The following IRAK4 variants were observed in gnomAD, a reference collection of about 807,000 sequenced individuals.
IRAK4 encodes the protein interleukin 1 receptor associated kinase 4.
Under a neutral mutation model 51.8 loss-of-function variants are expected in IRAK4, and 44 were observed. That is an observed-to-expected ratio of 0.85 (90% CI 0.67 to 1.09). IRAK4 has a LOEUF of 1.09. Ranked by LOEUF, IRAK4 falls within the 50% of genes least tolerant of loss-of-function variation. The pLI is 0.00. For missense variants in IRAK4, 487 were observed against 538.0 expected (o/e 0.91, Z 0.94); for synonymous variants, 149 against 174.1 (o/e 0.86, Z 1.13).
intron 6 of IRAK4, among the ~76,000 whole-genome samples, chr12:43,774,562 A>G (rs4251481): frequency 0.078 from 11,840 of 152,264 alleles, 1,073 homozygotes; most frequent in African/African-American, 0.22. Flanking sequence ...ATTTTAAGTC[A>G]CAACAAAGTT....
chr12:43,759,822 C>T (rs1243082889), intron 1 of IRAK4, among the ~76,000 whole-genome samples: 1 of 146,318 alleles, frequency 6.8e-6, no homozygotes, highest in Non-Finnish European at 1.5e-5. Flanking sequence ...GAGCCGAGAT[C>T]GTGCCACTAC....
intron 10 of IRAK4, 56 bp from the exon 11 acceptor site, chr12:43,786,339 ATATT>A: frequency 2.9e-6 from 3 of 1,033,484 alleles, no homozygotes; most frequent in Non-Finnish European, 4.1e-6. Context: ...ATTAAAATAT[ATATT>A]CTATTTTCTT....
At position 43,773,007 on chromosome 12, in the gene IRAK4, G is replaced by A. The variant is rs1940928979; in HGVS notation, c.586G>A (p.Gly196Arg). 4 of 1,612,808 alleles carry A rather than the reference G, an allele frequency of 2.5e-6. No homozygotes were observed. The highest frequency in any genetic ancestry group is 8.5e-7 in the Non-Finnish European group (1 of 1,179,204). Residue 196 changes from glycine (G) to arginine (R), a missense_variant, in exon 5 of 12, where the codon GGA becomes AGA. Gly to Arg is a moderately radical substitution (Grantham distance 125, BLOSUM62 -2). Transcript: ENST00000613694. Reference sequence around the variant, plus strand: ...TGGTGGTAATAAAATGGGAGAGGGAGGATTTGGAGTTGTATATAAAGGCTA... The same window carrying A: ...TGGTGGTAATAAAATGGGAGAGGGAAGATTTGGAGTTGTATATAAAGGCTA... ...SVGGNKMGEG[G>R]FGVVYKGYVN...
At chr12:43,778,367 T>G in intron 8 of IRAK4, 65 bp downstream of exon 8, 1 of 882,874 alleles carries the variant, frequency 1.1e-6, no homozygotes, top group South Asian at 1.3e-5. Flanking sequence ...TGTCACTCTA[T>G]TCACGATTCA....
intron 1 of IRAK4, among the ~76,000 whole-genome samples, chr12:43,762,039 GT>G (rs3838815): frequency 0.23 from 35,057 of 151,314 alleles, 6,461 homozygotes; most frequent in African/African-American, 0.52. Flanking sequence ...CACTTTTTAA[GT>G]TTTTTTTTGC....
chr12:43,764,972 G>T (rs1312705649), intron 1 of IRAK4, among the ~76,000 whole-genome samples: 3 of 151,762 alleles, frequency 2.0e-5, no homozygotes, highest in African/African-American at 7.2e-5. Context: ...GTCTGCTTTT[G>T]CTTTAATTGG....
At chr12:43,782,269 A>G (rs1941840413) in intron 8 of IRAK4, 38 bp from the exon 9 acceptor site, 6 of 1,517,026 alleles carry the variant, frequency 4.0e-6, no homozygotes, top group Admixed American at 1.7e-5. Context: ...TTGGGGTGGG[A>G]AAAACATTTT....
chr12:43,785,420 G>A (rs1244427140), intron 10 of IRAK4, among the ~76,000 whole-genome samples: 1 of 151,672 alleles, frequency 6.6e-6, no homozygotes. Flanking sequence ...ACAGGGAGGA[G>A]GAGTCAGGGT....
intron 1 of IRAK4, among the ~76,000 whole-genome samples, chr12:43,760,521 T>G (rs1292085558): frequency 6.6e-6 from 1 of 152,212 alleles, no homozygotes; most frequent in South Asian, 2.1e-4. Flanking sequence ...ACCTGGCCCC[T>G]TTACCTTTCT....
intron 2 of IRAK4, chr12:43,770,949 C>A: frequency 1.6e-6 from 1 of 615,990 alleles, no homozygotes; most frequent in South Asian, 1.6e-5. Context: ...AAGTTAGGCC[C>A]TATTTTTCTT....
intron 8 of IRAK4, among the ~76,000 whole-genome samples, chr12:43,781,703 C>T (rs148860224): frequency 2.0e-5 from 3 of 152,218 alleles, no homozygotes; most frequent in East Asian, 1.9e-4. Context: ...TTTAAGACTC[C>T]GCCATGCCCA....
chr12:43,782,460 A>AC lies in IRAK4; in HGVS notation c.1098dup (p.Lys367GlnfsTer3). 4.3e-6 allele frequency: 7 copies of AC among 1,613,714 alleles called. No individual in the cohort carries two copies. Among genetic ancestry groups the AC allele is most frequent in the Non-Finnish European group, 5.9e-6 (7 of 1,179,670 alleles). On this transcript the variant is annotated frameshift_variant, in exon 9 of 12. Transcript: ENST00000613694. LOFTEE classifies it high-confidence loss of function. ...CAGAAGCTTTGCGTGGAGAAATAAC[A>AC]CCCAAATCTGATATTTACAGCTTTG...
chr12:43,779,476 T>C (rs2138018405), intron 8 of IRAK4, among the ~76,000 whole-genome samples: 1 of 152,338 alleles, frequency 6.6e-6, no homozygotes, highest in South Asian at 2.1e-4. Context: ...AAGATGATTT[T>C]AACTCTAGTG....
chr12:43,761,373 T>A (rs1223843554), intron 1 of IRAK4, among the ~76,000 whole-genome samples: 1 of 152,236 alleles, frequency 6.6e-6, no homozygotes, highest in Non-Finnish European at 1.5e-5. Context: ...TCCTCACTAC[T>A]GTTCTGGAAA....
chr12:43,777,851 C>A, intron 7 of IRAK4, 107 bp downstream of exon 7: 3 of 957,202 alleles, frequency 3.1e-6, no homozygotes, highest in Non-Finnish European at 5.0e-6. Context: ...TCATATTTTT[C>A]CTGCTCTATG....
At chr12:43,764,024 AG>A (rs1476240315) in intron 1 of IRAK4, among the ~76,000 whole-genome samples, 1 of 152,188 alleles carries the variant, frequency 6.6e-6, no homozygotes, top group Non-Finnish European at 1.5e-5. Context: ...CATTCCTAAT[AG>A]GCAACCTCAT....
intron 8 of IRAK4, among the ~76,000 whole-genome samples, chr12:43,778,669 T>C: frequency 6.6e-6 from 1 of 152,162 alleles, no homozygotes; most frequent in Non-Finnish European, 1.5e-5. Flanking sequence ...TGTATTTATC[T>C]AGTTAAATAT....
At position 43,773,013 on chromosome 12, in the gene IRAK4, G is replaced by C. The variant is rs773245379; in HGVS notation, c.592G>C (p.Gly198Arg). 6.2e-7 allele frequency: 1 copy of C among 1,612,864 alleles called. No individual in the cohort carries two copies. The highest frequency in any genetic ancestry group is 8.5e-7 in the Non-Finnish European group (1 of 1,179,240). Residue 198 changes from glycine (G) to arginine (R), a missense_variant, in exon 5 of 12, where the codon GGA (glycine) becomes CGA (arginine). Coordinates refer to ENST00000613694, the MANE Select transcript of IRAK4 (RefSeq NM_016123.4). Reference protein sequence around the residue: ...GGNKMGEGGFGVVYKGYVNNT... With the variant: ...GGNKMGEGGFRVVYKGYVNNT... ...TAATAAAATGGGAGAGGGAGGATTT[G>C]GAGTTGTATATAAAGGCTACGTAAA...
chr12:43,768,156 T>C lies in IRAK4; in HGVS notation c.45T>C (p.Asn15=). 1 of 1,613,836 alleles carries C rather than the reference T, an allele frequency of 6.2e-7. No individual in the cohort carries two copies. Among genetic ancestry groups the C allele is most frequent in the Non-Finnish European group, 8.5e-7 (1 of 1,179,858 alleles). Residue 15 remains asparagine, a synonymous_variant, in exon 2 of 12, where the codon AAT becomes AAC. Transcript: ENST00000613694. ...CATCAACATATGTGCGCTGCCTCAA[T>C]GTTGGACTAATTAGGAAGCTGTCAG... ...ITPSTYVRCL[N]VGLIRKLSDF...
Sources: allele counts gnomAD v4.1 joint callset (sites outside exome capture counted in the v4.1 genomes callset), GRCh38; gene constraint gnomAD v4.1.1; transcripts MANE v1.5; gene names NCBI Gene and HGNC (gene_info 2026-07-23, HGNC 2026-07-21).